Variants in ZMYM4 observed in about 807,000 individuals in gnomAD.
ZMYM4 encodes the protein zinc finger MYM-type containing 4, also known as zinc finger MYM-type protein 4.
Under a neutral mutation model 183.2 loss-of-function variants are expected in ZMYM4, and 31 were observed. That is an observed-to-expected ratio of 0.17 (90% CI 0.13 to 0.23). The LOEUF (loss-of-function observed/expected upper bound fraction) is 0.23, where lower values mean the gene tolerates loss of function less well. Among genes scored for constraint, ZMYM4 ranks in the 10% least tolerant of loss-of-function variants. The pLI is 1.00. For synonymous variants in ZMYM4, 592 were observed against 631.2 expected (o/e 0.94, Z 0.93); for missense variants, 1,273 against 1,840.3 (o/e 0.69, Z 5.64).
chr1:35,299,278 A>G (rs368916231), intron 1 of ZMYM4, among the ~76,000 whole-genome samples: 4 of 152,182 alleles, frequency 2.6e-5, no homozygotes, highest in East Asian at 1.9e-4. Flanking sequence ...ATTGTTACCA[A>G]TGGAAGGTGT....
rs369661417 is a variant in ZMYM4 at position 35,319,761 on chromosome 1, T to C, written c.40-5599T>C. ...AACAGGGAAAGACTAACATTACTCA[T>C]TGTGGCGGTTGAAGGAATAGGAATA... is the stretch of plus-strand genomic sequence containing the variant. On this transcript the variant is annotated intron_variant, in intron 1 of 29. Transcript: ENST00000314607. 1.1e-3 allele frequency among the ~76,000 whole-genome samples: 174 copies of C among 152,244 alleles called. 6 individuals are homozygous for C. The South Asian group carries it at 0.035, about 31-fold the overall frequency.
At chr1:35,348,024 T>TTC (rs1157163874) in intron 2 of ZMYM4, among the ~76,000 whole-genome samples, 1 of 152,218 alleles carries the variant, frequency 6.6e-6, no homozygotes, top group Non-Finnish European at 1.5e-5. Flanking sequence ...ACCTCTAATC[T>TTC]TCTTGATCAT....
intron 23 of ZMYM4, chr1:35,400,134 C>G (rs1644878728): frequency 9.3e-6 from 1 of 108,054 alleles, no homozygotes; most frequent in African/African-American, 3.9e-5. Context: ...CAGAGCAAGA[C>G]TGTCTCAAAA....
At chr1:35,347,236 A>G (rs1464546024) in intron 2 of ZMYM4, among the ~76,000 whole-genome samples, 2 of 152,118 alleles carry the variant, frequency 1.3e-5, no homozygotes, top group African/African-American at 4.8e-5. Context: ...CGAACTCCTG[A>G]CCTCAGGTGA....
At chr1:35,269,686 T>G (rs1639499560) in intron 1 of ZMYM4, among the ~76,000 whole-genome samples, 1 of 152,208 alleles carries the variant, frequency 6.6e-6, no homozygotes, top group Non-Finnish European at 1.5e-5. Context: ...CCTAGCCTCT[T>G]ACTCGCAATT....
Position 35,277,269 on chromosome 1 carries a change from T to C in ZMYM4, c.39+8184T>C, listed in dbSNP as rs545732822. On this transcript the variant is annotated intron_variant, in intron 1 of 29. Transcript: ENST00000314607. ...AGTCTGTAGCCAAGATTGAGAGCCC[T>C]AGTTGGTAGAGCTTGATGAGTTTAG... is the stretch of plus-strand genomic sequence containing the variant. Among the ~76,000 whole-genome samples the C allele has an allele frequency of 2.6e-5, 4 of 152,330 alleles. No homozygotes were observed. The East Asian group carries it at 5.8e-4, about 22-fold the overall frequency.
chr1:35,399,663 C>T lies in ZMYM4; in HGVS notation c.3528+87C>T, dbSNP rs991664871. ...TCCTGCTGCTTTCAAAACTCTGTAA[C>T]AGCCAGAGTCAGGTAGTTCCACATG... is the stretch of plus-strand genomic sequence containing the variant. On this transcript the variant is annotated intron_variant, in intron 23 of 29. Coordinates refer to ENST00000314607, the MANE Select transcript of ZMYM4 (RefSeq NM_005095.3). 6.6e-6 allele frequency: 9 copies of T among 1,371,092 alleles called. No individual in the cohort carries two copies. In the African/African-American group the frequency reaches 1.1e-4, roughly 17 times the overall value. The allele number at this position is 1,371,092 out of a possible 1,614,324, so 84.9% of individuals were successfully genotyped here. A position where few individuals can be genotyped will look rare whatever the true frequency, so the allele number is the denominator to read the frequency against.
At chr1:35,351,535 T>C in intron 2 of ZMYM4, 1 of 1,238,404 alleles carries the variant, frequency 8.1e-7, no homozygotes, top group Non-Finnish European at 1.2e-6. Context: ...TATCCCTTGC[T>C]CAGAAGAAAG....
intron 1 of ZMYM4, among the ~76,000 whole-genome samples, chr1:35,274,759 C>T (rs1300490655): frequency 1.3e-5 from 2 of 151,900 alleles, no homozygotes; most frequent in Non-Finnish European, 2.9e-5. Context: ...CCCTTAAGTG[C>T]CAGTCATTTT....
intron 2 of ZMYM4, among the ~76,000 whole-genome samples, chr1:35,352,507 T>C (rs1474153958): frequency 1.3e-5 from 2 of 152,180 alleles, no homozygotes; most frequent in East Asian, 3.8e-4. Context: ...AAGAATTATT[T>C]TATACTAGGA....
At chr1:35,291,794 C>T (rs975380516) in intron 1 of ZMYM4, among the ~76,000 whole-genome samples, 1 of 151,916 alleles carries the variant, frequency 6.6e-6, no homozygotes. Context: ...CCTGCCACCG[C>T]GCCTGTCTAC....
intron 2 of ZMYM4, among the ~76,000 whole-genome samples, chr1:35,358,243 G>A (rs1006054941): frequency 2.0e-5 from 3 of 152,030 alleles, no homozygotes; most frequent in African/African-American, 7.2e-5. Context: ...ATGAATGAGG[G>A]CATTGCTTTG....
chr1:35,361,588 A>G, intron 4 of ZMYM4, 31 bp from the exon 5 acceptor site: 1 of 1,584,452 alleles, frequency 6.3e-7, no homozygotes, highest in Non-Finnish European at 8.5e-7. Flanking sequence ...TAAAATCTGA[A>G]TATTTATTAA....
chr1:35,371,627 G>T (rs976450907), intron 7 of ZMYM4, among the ~76,000 whole-genome samples: 4 of 152,084 alleles, frequency 2.6e-5, no homozygotes, highest in African/African-American at 9.7e-5. Context: ...ACTCTATCAG[G>T]CTACTCAAAC....
At chr1:35,375,285 CCTT>C (rs1387675642) in intron 7 of ZMYM4, among the ~76,000 whole-genome samples, 3 of 152,194 alleles carry the variant, frequency 2.0e-5, no homozygotes, top group African/African-American at 4.8e-5. Context: ...CACTACCTTT[CCTT>C]CTTTTTTATC....
intron 28 of ZMYM4, 115 bp from the exon 29 acceptor site, chr1:35,418,328 G>C: frequency 8.7e-7 from 1 of 1,147,442 alleles, no homozygotes; most frequent in Middle Eastern, 2.9e-4. Context: ...GTGTGAGTGA[G>C]TGAAAGGGAG....
rs1045749668 is a variant in ZMYM4 at position 35,309,922 on chromosome 1, T to A, written c.40-15438T>A. Among the ~76,000 whole-genome samples the A allele has an allele frequency of 3.5e-5, 5 of 144,148 alleles. No individual in the cohort carries two copies. The East Asian group carries it at 1.2e-3, about 35-fold the overall frequency. 94.6% of individuals were successfully genotyped at this position (144,148 alleles called of 152,430 possible). A position where few individuals can be genotyped will look rare whatever the true frequency, so the allele number is the denominator to read the frequency against. ...TTGTGGGGTTTTTTTGTGTTGTGTG[T>A]TTTTTTTTGTTTTTTTTTTTTTGAG... On this transcript the variant is annotated intron_variant, in intron 1 of 29. Transcript: ENST00000314607.
chr1:35,393,616 C>T lies in ZMYM4; in HGVS notation c.2788C>T (p.Leu930=). The T allele has an allele frequency of 6.2e-7, 1 of 1,610,140 alleles. No homozygotes were observed. Among genetic ancestry groups the T allele is most frequent in the Non-Finnish European group, 8.5e-7 (1 of 1,177,716 alleles). Residue 930 remains leucine (L), a synonymous_variant, in exon 18 of 30, where the codon CTG becomes TTG. Coordinates refer to ENST00000314607, the MANE Select transcript of ZMYM4 (RefSeq NM_005095.3). ...IGDASTQTDA[L]KLPPSQPPRL... ...CTAGGCAAGTACTCAAACAGATGCC[C>T]TGAAACTGCCACCTTCCCAACCTCC...
intron 2 of ZMYM4, among the ~76,000 whole-genome samples, chr1:35,325,645 T>C (rs1276285633): frequency 6.6e-6 from 1 of 152,160 alleles, no homozygotes; most frequent in African/African-American, 2.4e-5. Flanking sequence ...AATATAGCCA[T>C]ACTTCGTGTC....
Sources: gnomAD v4.1 joint callset for allele counts (sites outside exome capture counted in the v4.1 genomes callset) on GRCh38, gnomAD v4.1.1 for gene constraint, MANE v1.5 for transcripts, NCBI Gene and HGNC (gene_info 2026-07-23, HGNC 2026-07-21) for gene names.